Variants in CEP135 observed in about 807,000 individuals in gnomAD.
CEP135 encodes the protein centrosomal protein of 135 kDa.
Under a neutral mutation model 157.3 loss-of-function variants are expected in CEP135, and 142 were observed. The ratio of observed to expected loss-of-function variants is 0.90; its 90% CI spans 0.79 to 1.04. The LOEUF is 1.04. Ranked by LOEUF, CEP135 falls within the 50% of genes least tolerant of loss-of-function variation. The pLI is 0.00. For synonymous variants in CEP135, 396 were observed against 439.8 expected, an observed-to-expected ratio of 0.90 and a Z score of 1.25; for missense variants, 1,317 against 1,309.2, an observed-to-expected ratio of 1.01 and a Z score of -0.09.
chr4:56,016,669 T>C (rs762380265), intron 21 of CEP135, among the ~76,000 whole-genome samples: 1 of 152,086 alleles, frequency 6.6e-6, no homozygotes, highest in Non-Finnish European at 1.5e-5. Flanking sequence ...ATTTTCAATG[T>C]GGATTTGTGG....
intron 22 of CEP135, among the ~76,000 whole-genome samples, chr4:56,019,047 G>T (rs2109744672): frequency 6.6e-6 from 1 of 152,216 alleles, no homozygotes; most frequent in African/African-American, 2.4e-5. Context: ...TCAACCAGAA[G>T]GGTCTCATTG....
intron 25 of CEP135, among the ~76,000 whole-genome samples, chr4:56,025,730 T>C (rs1404173778): frequency 6.6e-6 from 1 of 152,052 alleles, no homozygotes; most frequent in Non-Finnish European, 1.5e-5. Flanking sequence ...GACCAGTAAG[T>C]GGTATGAAAT....
At chr4:55,973,410 C>T (rs1729092573) in intron 10 of CEP135, among the ~76,000 whole-genome samples, 2 of 152,186 alleles carry the variant, frequency 1.3e-5, no homozygotes, top group South Asian at 4.1e-4. Context: ...GTGGATGATC[C>T]TACCTCCAGT....
intron 8 of CEP135, chr4:55,966,433 C>A (rs1157652227): frequency 2.6e-5 from 4 of 152,862 alleles, no homozygotes; most frequent in African/African-American, 7.2e-5. Context: ...CTCAGGTGAT[C>A]CATCCACCTC....
chr4:55,961,070 C>T (rs959655299), intron 6 of CEP135: 15 of 147,066 alleles, frequency 1.0e-4, no homozygotes, highest in African/African-American at 2.8e-4. Flanking sequence ...TGCACCACTG[C>T]ACTCCAGCCT....
At chr4:56,022,280 G>C (rs1025406170) in intron 24 of CEP135, among the ~76,000 whole-genome samples, 1 of 152,064 alleles carries the variant, frequency 6.6e-6, no homozygotes, top group African/African-American at 2.4e-5. Context: ...ACGAAACCTT[G>C]AGCCTCATGA....
chr4:55,989,331 A>G (rs1729708947), intron 14 of CEP135, among the ~76,000 whole-genome samples: 1 of 152,238 alleles, frequency 6.6e-6, no homozygotes, highest in East Asian at 1.9e-4. Context: ...TCAACATTTT[A>G]TACCCAATTA....
At chr4:55,953,507 AAG>A (rs1728422857) in intron 3 of CEP135, among the ~76,000 whole-genome samples, 1 of 152,086 alleles carries the variant, frequency 6.6e-6, no homozygotes, top group African/African-American at 2.4e-5. Flanking sequence ...TTCAAAAAAA[AAG>A]AAAAGAAAAG....
chr4:55,986,277 C>G (rs1323636854), intron 14 of CEP135, among the ~76,000 whole-genome samples: 5 of 152,144 alleles, frequency 3.3e-5, no homozygotes, highest in Non-Finnish European at 7.3e-5. Flanking sequence ...TGGCTCATGC[C>G]TATAATCCCA....
intron 6 of CEP135, among the ~76,000 whole-genome samples, chr4:55,962,596 A>G (rs1728716825): frequency 6.6e-6 from 1 of 152,180 alleles, no homozygotes; most frequent in Non-Finnish European, 1.5e-5. Context: ...AGTAACATTA[A>G]TTGCTAGATC....
chr4:56,017,036 G>A (rs963301179), intron 21 of CEP135, among the ~76,000 whole-genome samples: 3 of 151,812 alleles, frequency 2.0e-5, no homozygotes, highest in South Asian at 2.1e-4. Flanking sequence ...TAGAAGTAGA[G>A]TTTATATCAG....
chr4:55,991,160 T>C (rs1314601254), intron 14 of CEP135, among the ~76,000 whole-genome samples: 1 of 152,064 alleles, frequency 6.6e-6, no homozygotes, highest in Non-Finnish European at 1.5e-5. Flanking sequence ...TATTTTTTCG[T>C]AGGGATGGGG....
At chr4:55,999,270 A>G in intron 15 of CEP135, 32 bp from the exon 16 acceptor site, 1 of 1,470,088 alleles carries the variant, frequency 6.8e-7, no homozygotes, top group Non-Finnish European at 9.4e-7. Context: ...GAGATAAAGA[A>G]TACCATTTGT....
At chr4:56,012,758 G>A (rs549891123) in intron 21 of CEP135, among the ~76,000 whole-genome samples, 66 of 152,302 alleles carry the variant, frequency 4.3e-4, no homozygotes, top group Non-Finnish European at 7.2e-4. Flanking sequence ...TTCATTGTAT[G>A]TATGTACCAC....
intron 6 of CEP135, among the ~76,000 whole-genome samples, chr4:55,963,101 C>T (rs1042555532): frequency 6.6e-6 from 1 of 152,180 alleles, no homozygotes; most frequent in African/African-American, 2.4e-5. Context: ...ATCTCTTTCT[C>T]TTGCCTTCGC....
intron 4 of CEP135, 142 bp from the exon 5 acceptor site, chr4:55,957,081 A>T (rs941482151): frequency 8.6e-6 from 7 of 816,268 alleles, no homozygotes; most frequent in Non-Finnish European, 1.3e-5. Context: ...GTGGATATTT[A>T]TATATTGATG....
intron 15 of CEP135, among the ~76,000 whole-genome samples, chr4:55,992,521 C>T (rs1313885044): frequency 6.6e-6 from 1 of 152,076 alleles, no homozygotes. Flanking sequence ...AATTTTTAAC[C>T]CTTTCTGACT....
chr4:56,019,707 G>A (rs760946089), intron 23 of CEP135, 152 bp downstream of exon 23: 18 of 590,440 alleles, frequency 3.0e-5, no homozygotes, highest in East Asian at 1.2e-4. Flanking sequence ...AGGCCAAGGC[G>A]GGTAGATTGC....
At chr4:56,001,529 T>A (rs948817118) in intron 17 of CEP135, among the ~76,000 whole-genome samples, 1 of 152,210 alleles carries the variant, frequency 6.6e-6, no homozygotes, top group Non-Finnish European at 1.5e-5. Flanking sequence ...GTCCCCATTG[T>A]ATGTTCTTGG....
Sources: allele counts gnomAD v4.1 joint callset (sites outside exome capture counted in the v4.1 genomes callset), GRCh38; gene constraint gnomAD v4.1.1; transcripts MANE v1.5; gene names NCBI Gene and HGNC (gene_info 2026-07-23, HGNC 2026-07-21).